Variants in PDGFC observed in about 807,000 individuals in gnomAD.
PDGFC encodes platelet derived growth factor C, also known as platelet-derived growth factor C.
Under a neutral mutation model 35.5 loss-of-function variants are expected in PDGFC, and 12 were observed. The ratio of observed to expected loss-of-function variants is 0.34; its 90% CI spans 0.22 to 0.55. The LOEUF is 0.55. Among genes scored for constraint, PDGFC ranks in the 20% least tolerant of loss-of-function variants. The pLI, the probability that PDGFC is intolerant of heterozygous loss-of-function variation, is 0.91. For missense variants in PDGFC, 322 were observed against 412.4 expected, an observed-to-expected ratio of 0.78 and a Z score of 1.90; for synonymous variants, 159 against 148.8, an observed-to-expected ratio of 1.07 and a Z score of -0.50.
intron 3 of PDGFC, among the ~76,000 whole-genome samples, chr4:156,797,586 A>C (rs1193297386): frequency 6.6e-6 from 1 of 152,246 alleles, no homozygotes; most frequent in Admixed American, 6.5e-5. Context: ...ATTAAATACA[A>C]TAAACACCAA....
At chr4:156,768,113 T>G in intron 4 of PDGFC, 123 bp from the exon 5 acceptor site, 1 of 670,944 alleles carries the variant, frequency 1.5e-6, no homozygotes, top group South Asian at 1.8e-5. Flanking sequence ...CATAACAATA[T>G]CCGCTCTTAT....
intron 1 of PDGFC, among the ~76,000 whole-genome samples, chr4:156,906,548 A>C (rs890076438): frequency 1.3e-5 from 2 of 152,122 alleles, no homozygotes; most frequent in African/African-American, 4.8e-5. Flanking sequence ...CTGGTTTTTC[A>C]CTACATTGTA....
chr4:156,771,582 T>C (rs74884229), intron 4 of PDGFC, among the ~76,000 whole-genome samples: 9,893 of 152,148 alleles, frequency 0.065, 439 homozygotes, highest in Middle Eastern at 0.12. Flanking sequence ...GGAAACCACG[T>C]CTGTTGGCAT....
chr4:156,873,235 T>C (rs763356783), intron 1 of PDGFC, among the ~76,000 whole-genome samples: 1 of 152,186 alleles, frequency 6.6e-6, no homozygotes, highest in African/African-American at 2.4e-5. Context: ...GCAAGACTAG[T>C]GTTTTTCAAT....
At chr4:156,801,366 C>T (rs951290532) in intron 3 of PDGFC, among the ~76,000 whole-genome samples, 4 of 152,186 alleles carry the variant, frequency 2.6e-5, no homozygotes, top group Admixed American at 6.5e-5. Context: ...GTGCATTAAA[C>T]TCTATCTCCA....
rs113925558 is a variant in PDGFC, at chr4:156,807,060, A to C, written c.495+3777T>G. Among the ~76,000 whole-genome samples, 1,063 of 151,996 alleles carry C rather than the reference A, an allele frequency of 7.0e-3. 15 individuals are homozygous for C. Among genetic ancestry groups the C allele is most frequent in the African/African-American group, 0.024 (995 of 41,514 alleles). ...TAGCAGAAAGGGAAAAAAATCAAAG[A>C]CATTAACTCCTTAGGCACAATCATA... On this transcript the variant is annotated intron_variant, in intron 3 of 5. Coordinates refer to ENST00000502773, the MANE Select transcript of PDGFC (RefSeq NM_016205.3).
intron 2 of PDGFC, among the ~76,000 whole-genome samples, chr4:156,829,017 A>G (rs1052528041): frequency 6.6e-6 from 1 of 152,186 alleles, no homozygotes; most frequent in Non-Finnish European, 1.5e-5. Context: ...AGACATTAAT[A>G]TTTTCTGAAA....
intron 1 of PDGFC, among the ~76,000 whole-genome samples, chr4:156,879,017 T>G (rs1579073137): frequency 6.6e-6 from 1 of 152,324 alleles, no homozygotes. Flanking sequence ...GGATCACGAC[T>G]AATTTATGTA....
intron 3 of PDGFC, among the ~76,000 whole-genome samples, chr4:156,798,167 G>T (rs1731501499): frequency 1.3e-5 from 2 of 152,122 alleles, no homozygotes; most frequent in Admixed American, 1.3e-4. Context: ...ACTCCAGCTT[G>T]GGCGACAGAG....
intron 3 of PDGFC, among the ~76,000 whole-genome samples, chr4:156,796,468 G>C (rs1234684419): frequency 6.7e-6 from 1 of 149,908 alleles, no homozygotes; most frequent in Non-Finnish European, 1.5e-5. Flanking sequence ...AAATTAGGCG[G>C]ACAGTATACA....
At chr4:156,902,163 CTTA>C (rs2110769018) in intron 1 of PDGFC, among the ~76,000 whole-genome samples, 1 of 152,298 alleles carries the variant, frequency 6.6e-6, no homozygotes, top group Non-Finnish European at 1.5e-5. Context: ...CTCCTGACTA[CTTA>C]TTGAGCTTAT....
At chr4:156,934,736 T>C (rs1731635656) in intron 1 of PDGFC, among the ~76,000 whole-genome samples, 1 of 152,204 alleles carries the variant, frequency 6.6e-6, no homozygotes. Context: ...TTTCTAATTT[T>C]AAATTTTTTT....
intron 1 of PDGFC, among the ~76,000 whole-genome samples, chr4:156,964,539 T>A (rs1239441235): frequency 6.6e-6 from 1 of 151,608 alleles, no homozygotes; most frequent in Non-Finnish European, 1.5e-5. Context: ...ATTGTTTCCC[T>A]TACTGTTCCC....
chr4:156,811,148 A>T (rs1731922903), intron 2 of PDGFC, 131 bp from the exon 3 acceptor site: 3 of 475,140 alleles, frequency 6.3e-6, no homozygotes, highest in Non-Finnish European at 1.1e-5. Context: ...AACCGGGAAC[A>T]TATAATTAAG....
chr4:156,802,631 C>T (rs983592686), intron 3 of PDGFC, among the ~76,000 whole-genome samples: 3 of 151,548 alleles, frequency 2.0e-5, no homozygotes, highest in Admixed American at 6.6e-5. Flanking sequence ...ATATACAATG[C>T]CAAATATCTC....
At position 156,789,613 on chromosome 4, in the gene PDGFC, C is replaced by T. The variant is rs1257405257; in HGVS notation, c.496-16720G>A. ...TCACTTGAGAAGTGGCTGACAAAAT[C>T]GAGAAACTAAAGAAGCTGAGGATAT... On this transcript the variant is annotated intron_variant, in intron 3 of 5. Coordinates refer to ENST00000502773, the MANE Select transcript of PDGFC (RefSeq NM_016205.3). Among the ~76,000 whole-genome samples the T allele has an allele frequency of 2.6e-5, 4 of 152,054 alleles. No homozygotes were observed. The East Asian group carries it at 5.8e-4, about 22-fold the overall frequency.
chr4:156,846,153 T>C (rs1016993006), intron 2 of PDGFC, among the ~76,000 whole-genome samples: 7 of 151,798 alleles, frequency 4.6e-5, no homozygotes, highest in African/African-American at 1.2e-4. Context: ...AATTGGGTGA[T>C]AGACTGCCAC....
At chr4:156,826,901 A>T (rs1728773752) in intron 2 of PDGFC, among the ~76,000 whole-genome samples, 1 of 152,214 alleles carries the variant, frequency 6.6e-6, no homozygotes, top group African/African-American at 2.4e-5. Flanking sequence ...TTTTAGAACA[A>T]ACCAAAGTGA....
At chr4:156,797,923 C>T (rs1278741392) in intron 3 of PDGFC, among the ~76,000 whole-genome samples, 1 of 152,160 alleles carries the variant, frequency 6.6e-6, no homozygotes, top group Admixed American at 6.5e-5. Flanking sequence ...GGCGCGGTGC[C>T]TCACGCCAGT....
Sources: gnomAD v4.1 joint callset for allele counts (sites outside exome capture counted in the v4.1 genomes callset) on GRCh38, gnomAD v4.1.1 for gene constraint, MANE v1.5 for transcripts, NCBI Gene and HGNC (gene_info 2026-07-23, HGNC 2026-07-21) for gene names.